The following RABGAP1L variants were observed in gnomAD, a reference collection of about 807,000 sequenced individuals.
RABGAP1L encodes the protein rab GTPase-activating protein 1-like.
Under a neutral mutation model 137.7 loss-of-function variants are expected in RABGAP1L, and 63 were observed. That is an observed-to-expected ratio of 0.46 (90% CI 0.37 to 0.56). RABGAP1L has a LOEUF of 0.56. Among genes scored for constraint, RABGAP1L ranks in the 20% least tolerant of loss-of-function variants. The pLI is 0.00. For synonymous variants in RABGAP1L, 431 were observed against 433.7 expected (o/e 0.99, Z 0.08); for missense variants, 1,095 against 1,244.0 (o/e 0.88, Z 1.80).
chr1:174,885,906 G>A (rs897077278), intron 19 of RABGAP1L, among the ~76,000 whole-genome samples: 1 of 151,756 alleles, frequency 6.6e-6, no homozygotes, highest in Non-Finnish European at 1.5e-5. Flanking sequence ...GGCGGAGCTT[G>A]CAGTGAGCCG....
At chr1:174,540,962 T>C (rs1396779924) in intron 13 of RABGAP1L, among the ~76,000 whole-genome samples, 2 of 152,198 alleles carry the variant, frequency 1.3e-5, no homozygotes, top group African/African-American at 4.8e-5. Flanking sequence ...TGTCCTCTTT[T>C]ATTTTATTGA....
intron 19 of RABGAP1L, chr1:174,897,677 T>C (rs529506278): frequency 6.6e-6 from 1 of 152,256 alleles, no homozygotes; most frequent in Non-Finnish European, 1.5e-5. Context: ...TGCCTGTTAG[T>C]ATGTTTGATA....
At chr1:174,292,205 T>C (rs1676680154) in intron 10 of RABGAP1L, among the ~76,000 whole-genome samples, 1 of 150,746 alleles carries the variant, frequency 6.6e-6, no homozygotes, top group East Asian at 1.9e-4. Context: ...CTTGGCTTTT[T>C]ATTTTTGTAT....
At chr1:174,888,376 A>G in intron 19 of RABGAP1L, among the ~76,000 whole-genome samples, 1 of 152,160 alleles carries the variant, frequency 6.6e-6, no homozygotes, top group Non-Finnish European at 1.5e-5. Flanking sequence ...CCTTTATCTG[A>G]TACTGTCTGA....
At chr1:174,678,669 A>G (rs1677826132) in intron 14 of RABGAP1L, among the ~76,000 whole-genome samples, 1 of 152,204 alleles carries the variant, frequency 6.6e-6, no homozygotes, top group African/African-American at 2.4e-5. Context: ...GCTGCTTCCA[A>G]GATGGTGGCA....
chr1:174,772,239 A>C (rs1010687983), intron 18 of RABGAP1L, among the ~76,000 whole-genome samples: 14 of 151,890 alleles, frequency 9.2e-5, no homozygotes, highest in African/African-American at 3.1e-4. Flanking sequence ...ACTAATCTTC[A>C]CTACCTTTAA....
At chr1:174,847,303 A>G (rs142208906) in intron 19 of RABGAP1L, among the ~76,000 whole-genome samples, 39 of 151,654 alleles carry the variant, frequency 2.6e-4, no homozygotes, top group African/African-American at 9.2e-4. Flanking sequence ...TCGTTAGTTG[A>G]TGCAGTTTCT....
chr1:174,560,833 C>T (rs1479051680), intron 13 of RABGAP1L, among the ~76,000 whole-genome samples: 6 of 152,006 alleles, frequency 3.9e-5, no homozygotes, highest in Admixed American at 6.6e-5. Context: ...TTTCTGTTCC[C>T]GTGTTAATTT....
chr1:174,620,430 C>T (rs531723602), intron 13 of RABGAP1L, among the ~76,000 whole-genome samples: 2 of 152,294 alleles, frequency 1.3e-5, no homozygotes, highest in African/African-American at 4.8e-5. Context: ...TTATAACAAA[C>T]TGTCTCTCAG....
chr1:174,290,585 A>G (rs1353137480), intron 10 of RABGAP1L, among the ~76,000 whole-genome samples: 1 of 152,178 alleles, frequency 6.6e-6, no homozygotes, highest in Non-Finnish European at 1.5e-5. Flanking sequence ...GGGACCTCCT[A>G]TTCTGCCATC....
At chr1:174,395,565 C>T (rs1045223847) in intron 13 of RABGAP1L, among the ~76,000 whole-genome samples, 14 of 152,072 alleles carry the variant, frequency 9.2e-5, no homozygotes, top group African/African-American at 3.4e-4. Context: ...AAAACTCTTA[C>T]ATCTTCACAC....
At chr1:174,358,785 A>T (rs748051728) in intron 11 of RABGAP1L, among the ~76,000 whole-genome samples, 2 of 152,060 alleles carry the variant, frequency 1.3e-5, no homozygotes, top group Non-Finnish European at 2.9e-5. Context: ...GTTTTAATGG[A>T]TTTTCCTTTG....
chr1:174,767,408 A>T (rs1051993507), intron 18 of RABGAP1L, among the ~76,000 whole-genome samples: 1 of 152,166 alleles, frequency 6.6e-6, no homozygotes, highest in East Asian at 1.9e-4. Flanking sequence ...GTCTTAAAGC[A>T]CTTGAAAAAA....
At chr1:174,322,264 G>A (rs1392585423) in intron 11 of RABGAP1L, among the ~76,000 whole-genome samples, 1 of 151,816 alleles carries the variant, frequency 6.6e-6, no homozygotes, top group Non-Finnish European at 1.5e-5. Context: ...GCAGGTAGAG[G>A]TTAAAGTTCC....
chr1:174,630,454 T>G (rs1366859550), intron 13 of RABGAP1L, among the ~76,000 whole-genome samples: 1 of 89,394 alleles, frequency 1.1e-5, no homozygotes, highest in Non-Finnish European at 2.1e-5. Flanking sequence ...TTGGAATAGT[T>G]TCAGAAGGAA....
intron 13 of RABGAP1L, among the ~76,000 whole-genome samples, chr1:174,446,933 A>G (rs1367591758): frequency 6.6e-6 from 1 of 152,202 alleles, no homozygotes; most frequent in Non-Finnish European, 1.5e-5. Context: ...TGGTCAAATA[A>G]GCTCGGAGTA....
chr1:174,698,349 T>C (rs529137440), intron 15 of RABGAP1L, among the ~76,000 whole-genome samples: 7 of 152,308 alleles, frequency 4.6e-5, no homozygotes, highest in African/African-American at 1.7e-4. Context: ...TAAAAATACC[T>C]CTGAGAAAGC....
chr1:174,943,809 C>G (rs6425306), intron 19 of RABGAP1L, among the ~76,000 whole-genome samples: 55,947 of 151,402 alleles, frequency 0.37, 13,514 homozygotes, highest in African/African-American at 0.69. Flanking sequence ...CTCCAGCCGG[C>G]GCGACAGTGC....
At chr1:174,167,061 G>A (rs886497596) in intron 1 of RABGAP1L, among the ~76,000 whole-genome samples, 7 of 152,154 alleles carry the variant, frequency 4.6e-5, no homozygotes, top group African/African-American at 1.7e-4. Context: ...TACCATTTTA[G>A]AAGGTGTCAG....
Sources: gnomAD v4.1 joint callset for allele counts (sites outside exome capture counted in the v4.1 genomes callset) on GRCh38, gnomAD v4.1.1 for gene constraint, MANE v1.5 for transcripts, NCBI Gene and HGNC (gene_info 2026-07-23, HGNC 2026-07-21) for gene names.